The following TMEM30A variants were observed in gnomAD, a reference collection of about 807,000 sequenced individuals.
The protein encoded by TMEM30A is cell cycle control protein 50A.
A neutral mutation model predicts 38.2 loss-of-function variants in TMEM30A; 24 were observed. The ratio of observed to expected loss-of-function variants is 0.63; its 90% CI spans 0.46 to 0.88. The LOEUF (loss-of-function observed/expected upper bound fraction) is 0.88, where lower values mean the gene tolerates loss of function less well. Ranked by LOEUF, TMEM30A falls within the 40% of genes least tolerant of loss-of-function variation. The pLI, the probability that TMEM30A is intolerant of heterozygous loss-of-function variation, is 0.00. For missense variants in TMEM30A, 370 were observed against 458.6 expected, an observed-to-expected ratio of 0.81 and a Z score of 1.77; for synonymous variants, 145 against 161.6, an observed-to-expected ratio of 0.90 and a Z score of 0.78.
intron 6 of TMEM30A, 106 bp from the exon 7 acceptor site, chr6:75,256,401 G>T: frequency 1.1e-6 from 1 of 907,154 alleles, no homozygotes; most frequent in Non-Finnish European, 1.7e-6. Flanking sequence ...TGTAATTCTA[G>T]GATATACAGG....
chr6:75,277,380 G>A (rs937970822), intron 1 of TMEM30A, among the ~76,000 whole-genome samples: 1 of 150,596 alleles, frequency 6.6e-6, no homozygotes. Flanking sequence ...CTAACATGAT[G>A]TATGTAAAAC....
At chr6:75,282,279 G>A (rs567575357) in intron 1 of TMEM30A, among the ~76,000 whole-genome samples, 2 of 152,284 alleles carry the variant, frequency 1.3e-5, no homozygotes, top group African/African-American at 4.8e-5. Context: ...ACCAGGCTAA[G>A]CTGCAGCAGA....
In TMEM30A at chr6:75,254,819, C is replaced by A. The variant is rs1414711092; in HGVS notation, c.*1283G>T. On this transcript the variant is annotated 3_prime_UTR_variant, in exon 7 of 7. Coordinates refer to ENST00000230461, the MANE Select transcript of TMEM30A (RefSeq NM_018247.4). ...ATGCATGTGGAAAAATTATTTTTAA[C>A]TAGAACTTTAAGAATAAGTTCCATA... 6.6e-6 allele frequency: 1 copy of A among 152,440 alleles called. No individual in the cohort carries two copies. The highest frequency in any genetic ancestry group is 1.9e-4 in the East Asian group (1 of 5,188). 9.4% of individuals were successfully genotyped at this position (152,440 alleles called of 1,614,324 possible). A position where few individuals can be genotyped will look rare whatever the true frequency, so the allele number is the denominator to read the frequency against.
Position 75,256,250 on chromosome 6 carries a change from C to T in TMEM30A, c.938G>A (p.Ser313Asn). The T allele has an allele frequency of 1.2e-6, 2 of 1,613,496 alleles. No homozygotes were observed. Among genetic ancestry groups the T allele is most frequent in the Non-Finnish European group, 1.7e-6 (2 of 1,179,566 alleles). The part of the protein sequence containing the change: ...YFDGRKRMIL[S>N]TISWMGGKNP... ...TTTTCCTCCCATCCATGAAATAGTG[C>T]TCAAGATCATCCGTTTTCGTCCATC... The change falls in exon 7 of 7, where the codon AGC becomes AAC. Residue 313 changes from serine (S) to asparagine (N), a missense_variant. By Grantham distance (46) the Ser-to-Asn change is conservative. Transcript: ENST00000230461.
At chr6:75,278,588 T>G (rs1350982404) in intron 1 of TMEM30A, among the ~76,000 whole-genome samples, 1 of 152,156 alleles carries the variant, frequency 6.6e-6, no homozygotes, top group East Asian at 1.9e-4. Context: ...GGCTGGGCAG[T>G]AAATGATTAG....
rs183836456 is a variant in TMEM30A at position 75,271,049 on chromosome 6, G to C, written c.238-3301C>G. 5.3e-4 allele frequency among the ~76,000 whole-genome samples: 80 copies of C among 152,196 alleles called. 1 individual carries two copies. The highest frequency in any genetic ancestry group is 5.0e-3 in the Admixed American group (76 of 15,286). On this transcript the variant is annotated intron_variant, in intron 1 of 6. Coordinates refer to ENST00000230461, the MANE Select transcript of TMEM30A (RefSeq NM_018247.4). ...ATACCAAGTTTTATGATGTTGGAGAGATGAAAGAAAAGACCATTCAGAAAA... is the reference window on the plus strand; with the variant it reads ...ATACCAAGTTTTATGATGTTGGAGACATGAAAGAAAAGACCATTCAGAAAA...
At chr6:75,282,372 C>A (rs886272325) in intron 1 of TMEM30A, among the ~76,000 whole-genome samples, 12 of 152,028 alleles carry the variant, frequency 7.9e-5, no homozygotes, top group African/African-American at 2.9e-4. Flanking sequence ...GCGTGAAGAA[C>A]CTTATTTTAC....
chr6:75,273,125 T>C (rs1361262573), intron 1 of TMEM30A, among the ~76,000 whole-genome samples: 1 of 152,164 alleles, frequency 6.6e-6, no homozygotes, highest in East Asian at 1.9e-4. Context: ...CCATTTTGTG[T>C]GAGAGTTACC....
chr6:75,280,506 A>C (rs1772339184), intron 1 of TMEM30A, among the ~76,000 whole-genome samples: 1 of 152,182 alleles, frequency 6.6e-6, no homozygotes. Context: ...GTCTACTAAT[A>C]CTAATGAGAA....
At chr6:75,262,123 G>C (rs1236158482) in intron 3 of TMEM30A, among the ~76,000 whole-genome samples, 1 of 152,130 alleles carries the variant, frequency 6.6e-6, no homozygotes, top group Non-Finnish European at 1.5e-5. Context: ...AAGGTGGGAG[G>C]ATCCCTTGAG....
intron 1 of TMEM30A, among the ~76,000 whole-genome samples, chr6:75,281,334 C>CA (rs1772353108): frequency 6.6e-6 from 1 of 152,048 alleles, no homozygotes; most frequent in Non-Finnish European, 1.5e-5. Context: ...GTGCCTGACT[C>CA]ACAATTGCCA....
rs1195592604 is a variant in TMEM30A at position 75,284,427 on chromosome 6, G to T, written c.212C>A (p.Thr71Asn). 6.2e-7 allele frequency: 1 copy of T among 1,613,970 alleles called. No homozygotes were observed. The highest frequency in any genetic ancestry group is 1.1e-5 in the South Asian group (1 of 91,082). The part of the protein sequence containing the change: ...FIPIGIGIFV[T>N]SNNIREIEID... ...CTCGATCTCGCGGATGTTGTTGGAGGTGACAAAAATGCCAATGCCGATGGG... is the reference window on the plus strand; with the variant it reads ...CTCGATCTCGCGGATGTTGTTGGAGTTGACAAAAATGCCAATGCCGATGGG... Residue 71 changes from threonine (T) to asparagine (N), a missense_variant, in exon 1 of 7, where the codon ACC (threonine) becomes AAC (asparagine). Coordinates refer to ENST00000230461, the MANE Select transcript of TMEM30A (RefSeq NM_018247.4).
intron 1 of TMEM30A, among the ~76,000 whole-genome samples, chr6:75,280,501 C>T (rs187909841): frequency 1.1e-4 from 16 of 152,208 alleles, no homozygotes; most frequent in Non-Finnish European, 1.8e-4. Context: ...TATAGGTCTA[C>T]TAATACTAAT....
intron 1 of TMEM30A, among the ~76,000 whole-genome samples, chr6:75,281,936 C>T (rs184889138): frequency 8.5e-5 from 13 of 152,278 alleles, no homozygotes; most frequent in Admixed American, 8.5e-4. Context: ...TTTCTCTATA[C>T]ATTTAGCATC....
At chr6:75,259,715 A>G (rs1355111219) in intron 4 of TMEM30A, among the ~76,000 whole-genome samples, 14 of 152,230 alleles carry the variant, frequency 9.2e-5, no homozygotes, top group Non-Finnish European at 2.1e-4. Flanking sequence ...TCAGTTACCC[A>G]TAGGCTAGCT....
chr6:75,259,493 A>G lies in TMEM30A; in HGVS notation c.542-3T>C, dbSNP rs1771927536. ...AATGAGAAACAATTCTAATGTATCT[A>G]AACACAAGCAAAGAAAGACATTACT... On this transcript the variant is annotated splice_polypyrimidine_tract_variant and splice_region_variant and intron_variant, in intron 4 of 6. Coordinates refer to ENST00000230461, the MANE Select transcript of TMEM30A (RefSeq NM_018247.4). The G allele has an allele frequency of 6.3e-6, 10 of 1,590,388 alleles. No individual in the cohort carries two copies. Among genetic ancestry groups the G allele is most frequent in the Non-Finnish European group, 8.5e-6 (10 of 1,170,700 alleles).
intron 6 of TMEM30A, 27 bp from the exon 7 acceptor site, chr6:75,256,322 C>T (rs1248953057): frequency 6.4e-7 from 1 of 1,559,952 alleles, no homozygotes; most frequent in Admixed American, 1.9e-5. Flanking sequence ...AAGATTTTTC[C>T]ATCTCTGGTT....
At chr6:75,278,561 A>G (rs1318451991) in intron 1 of TMEM30A, among the ~76,000 whole-genome samples, 1 of 152,222 alleles carries the variant, frequency 6.6e-6, no homozygotes, top group African/African-American at 2.4e-5. Context: ...TAAGCATGAG[A>G]GCCAGTTCCT....
intron 1 of TMEM30A, among the ~76,000 whole-genome samples, chr6:75,269,953 A>G (rs1772138203): frequency 6.6e-6 from 1 of 152,064 alleles, no homozygotes; most frequent in Non-Finnish European, 1.5e-5. Context: ...TTGGCCTCCC[A>G]AAGTGCTGGG....
Sources: allele counts gnomAD v4.1 joint callset (sites outside exome capture counted in the v4.1 genomes callset), GRCh38; gene constraint gnomAD v4.1.1; transcripts MANE v1.5; gene names NCBI Gene and HGNC (gene_info 2026-07-23, HGNC 2026-07-21).